Variants in MRPL43 observed in about 807,000 individuals in gnomAD.
MRPL43 encodes the protein mitochondrial ribosomal protein L43.
A neutral mutation model predicts 12.7 loss-of-function variants in MRPL43; 9 were observed. That is an observed-to-expected ratio of 0.71 (90% CI 0.43 to 1.24). The LOEUF (loss-of-function observed/expected upper bound fraction) is 1.24. Among genes scored for constraint, MRPL43 ranks in the 50% most tolerant of loss-of-function variants. MRPL43 has a pLI of 0.00. For missense variants in MRPL43, 211 were observed against 229.2 expected (o/e 0.92, Z 0.51); for synonymous variants, 116 against 96.4 (o/e 1.20, Z -1.19).
chr10:100,985,193 A>ATGTC (rs1851379088), downstream of MRPL43: 2 of 333,364 alleles, frequency 6.0e-6, no homozygotes, highest in Admixed American at 8.7e-5. Context: ...GAGAAATCTG[A>ATGTC]TGTCTCAACT....
downstream of MRPL43, chr10:100,979,765 CAGTG>C (rs1850968242): frequency 2.6e-6 from 4 of 1,538,116 alleles, no homozygotes; most frequent in East Asian, 4.5e-5. Flanking sequence ...GCCAGGGTAA[CAGTG>C]AGCTTCAGGC....
downstream of MRPL43, among the ~76,000 whole-genome samples, chr10:100,982,510 G>C (rs1456410397): frequency 2.6e-5 from 4 of 152,210 alleles, no homozygotes; most frequent in Non-Finnish European, 5.9e-5. Context: ...ACGTGAAGAA[G>C]GGCCGGGCAC....
At chr10:100,984,226 C>T, downstream of MRPL43, 4 of 1,486,292 alleles carry the variant, frequency 2.7e-6, no homozygotes, top group Non-Finnish European at 2.7e-6. Flanking sequence ...CCTTCATTAC[C>T]CCCACTCCAT....
At chr10:100,983,569 C>T, downstream of MRPL43, 1 of 1,613,972 alleles carries the variant, frequency 6.2e-7, no homozygotes, top group Non-Finnish European at 8.5e-7. Context: ...ACAGTCCGGC[C>T]AGCCACTCCT....
chr10:100,986,205 T>C, downstream of MRPL43: 1 of 881,220 alleles, frequency 1.1e-6, no homozygotes, highest in Non-Finnish European at 1.5e-6. Context: ...GTTCTGCGTC[T>C]AGTTTTAAAA....
chr10:100,986,681 C>G lies in MRPL43; in HGVS notation c.*53G>C. The G allele has an allele frequency of 2.5e-6, 4 of 1,613,894 alleles. No individual in the cohort carries two copies. The highest frequency in any genetic ancestry group is 3.4e-6 in the Non-Finnish European group (4 of 1,179,898). On this transcript the variant is annotated 3_prime_UTR_variant, in exon 3 of 3. Coordinates refer to ENST00000318364, the MANE Select transcript of MRPL43 (RefSeq NM_032112.3). ...TGGAATCCCAAAGGGGAAGAACCAC[C>G]TTTACCGGAGTAACAGTCCAAAGCC... is the stretch of plus-strand genomic sequence containing the variant.
At chr10:100,982,822 A>G (rs574688027), downstream of MRPL43, among the ~76,000 whole-genome samples, 1 of 152,292 alleles carries the variant, frequency 6.6e-6, no homozygotes, top group South Asian at 2.1e-4. Flanking sequence ...AAAGGCGAGC[A>G]AGAAAGAGAA....
intron 2 of MRPL43, 47 bp from the exon 3 acceptor site, chr10:100,987,022 A>T (rs749459363): frequency 6.8e-6 from 11 of 1,606,186 alleles, no homozygotes; most frequent in Non-Finnish European, 8.5e-6. Context: ...CGGTGCGACC[A>T]AGCGAGAAGG....
chr10:100,984,512 G>A (rs1435583593), downstream of MRPL43: 3 of 1,535,890 alleles, frequency 2.0e-6, no homozygotes, highest in Admixed American at 3.9e-5. Context: ...AGGTCCATAT[G>A]GGCTCAATGT....
downstream of MRPL43, chr10:100,978,172 GCAT>G (rs953357556): frequency 1.5e-4 from 98 of 647,892 alleles, no homozygotes; most frequent in Admixed American, 4.2e-4. Context: ...GCTGTCAGGT[GCAT>G]CTGCCATACA....
At position 100,987,395 on chromosome 10, in the gene MRPL43, T is replaced by C; in HGVS notation, c.49A>G (p.Asn17Asp). ...PSRFLASVLH[N>D]GLGRYVQQLQ... Reference sequence around the variant, plus strand: ...TGCTGCACATAGCGACCCAGTCCGTTGTGGAGAACGCTGGCCAAGAAGCGG... The same window carrying C: ...TGCTGCACATAGCGACCCAGTCCGTCGTGGAGAACGCTGGCCAAGAAGCGG... The change falls in exon 1 of 3, where the codon AAC (asparagine) becomes GAC (aspartate). Residue 17 changes from asparagine (N) to aspartate (D), a missense_variant. Transcript: ENST00000318364. 6.2e-7 allele frequency: 1 copy of C among 1,612,582 alleles called. No individual in the cohort carries two copies. The highest frequency in any genetic ancestry group is 8.5e-7 in the Non-Finnish European group (1 of 1,179,930).
downstream of MRPL43, chr10:100,981,006 T>C (rs778015062): frequency 1.9e-6 from 3 of 1,590,610 alleles, no homozygotes; most frequent in East Asian, 2.2e-5. Flanking sequence ...AGGTGGGAAG[T>C]GGTGGGGGGT....
downstream of MRPL43, chr10:100,980,473 T>C (rs1184780129): frequency 7.5e-7 from 1 of 1,340,526 alleles, no homozygotes; most frequent in Admixed American, 1.7e-5. Flanking sequence ...GCTGAGTCCT[T>C]GTTCTGGACC....
At position 100,986,779 on chromosome 10, in the gene MRPL43, G is replaced by C; in HGVS notation, c.435C>G (p.Pro145=). The C allele has an allele frequency of 5.0e-6, 8 of 1,613,872 alleles. No individual in the cohort carries two copies. The highest frequency in any genetic ancestry group is 6.8e-6 in the Non-Finnish European group (8 of 1,180,038). Residue 145 remains proline, a synonymous_variant, in exon 3 of 3, where the codon CCC becomes CCG. Coordinates refer to ENST00000318364, the MANE Select transcript of MRPL43 (RefSeq NM_032112.3). ...NKPTTFRGLR[P]REVQDPAPAQ... The stretch of plus-strand genomic sequence containing the variant: ...CTGGGGCAGGATCCTGAACCTCTCG[G>C]GGGCGTAGCCCGCGGAACGTGGTCG...
At chr10:100,984,424 A>G (rs2295717), downstream of MRPL43, 261 of 1,477,206 alleles carry the variant, frequency 1.8e-4, no homozygotes, top group East Asian at 5.1e-3. Flanking sequence ...TAACCTAAAC[A>G]CTTATAGGTG....
downstream of MRPL43, chr10:100,978,931 C>T (rs751912530): frequency 6.2e-7 from 1 of 1,614,178 alleles, no homozygotes; most frequent in Admixed American, 1.7e-5. Context: ...ACTACTTCTT[C>T]ACGGAGCGTG....
chr10:100,986,447 T>C lies in MRPL43; in HGVS notation c.*287A>G, dbSNP rs918726627. On this transcript the variant is annotated 3_prime_UTR_variant, in exon 3 of 3. Transcript: ENST00000318364. ...TCTCACTGTGTTTTGAGATCATTAT[T>C]ATCAATTTGGATTTAAAAAACAAGG... 1.2e-5 allele frequency: 18 copies of C among 1,525,472 alleles called. No individual in the cohort carries two copies. The highest frequency in any genetic ancestry group is 1.5e-5 in the Non-Finnish European group (17 of 1,137,920). The allele number at this position is 1,525,472 out of a possible 1,614,324, so 94.5% of individuals were successfully genotyped here.
downstream of MRPL43, chr10:100,978,016 C>T: frequency 1.8e-6 from 1 of 570,624 alleles, no homozygotes; most frequent in African/African-American, 1.9e-5. Flanking sequence ...CCCTGGACAG[C>T]ATGTGTTCCA....
At chr10:100,984,387 G>A (rs757063742), downstream of MRPL43, 11 of 1,451,624 alleles carry the variant, frequency 7.6e-6, no homozygotes, top group African/African-American at 1.4e-5. Flanking sequence ...CAGGTGCCCT[G>A]CAGACCCAGA....
Sources: allele counts gnomAD v4.1 joint callset (sites outside exome capture counted in the v4.1 genomes callset), GRCh38; gene constraint gnomAD v4.1.1; transcripts MANE v1.5; gene names NCBI Gene and HGNC (gene_info 2026-07-23, HGNC 2026-07-21).